MAD1L1: variants seen among roughly 807,000 people sequenced by gnomAD.
MAD1L1 encodes mitotic arrest deficient 1 like 1.
Under a neutral mutation model 96.9 loss-of-function variants are expected in MAD1L1, and 95 were observed. The ratio of observed to expected loss-of-function variants is 0.98; its 90% CI spans 0.83 to 1.16. The LOEUF (loss-of-function observed/expected upper bound fraction) is 1.16, where lower values mean the gene tolerates loss of function less well. MAD1L1 is among the 50% of genes most tolerant of loss of function. The pLI, the probability that MAD1L1 is intolerant of heterozygous loss-of-function variation, is 0.00. For synonymous variants in MAD1L1, 473 were observed against 396.6 expected, an observed-to-expected ratio of 1.19 and a Z score of -2.29; for missense variants, 1,007 against 954.4, an observed-to-expected ratio of 1.06 and a Z score of -0.73.
In MAD1L1 at chr7:2,194,631, T is replaced by C. The variant is rs77250283; in HGVS notation, c.986+18581A>G. ...AAGCTACAAAGTAAATATTTACTAT[T>C]AATACCCAGCCCTTTACAGAAAAAA... On this transcript the variant is annotated intron_variant, in intron 10 of 18. Coordinates refer to ENST00000265854, the MANE Select transcript of MAD1L1 (RefSeq NM_001013836.2). Among the ~76,000 whole-genome samples the C allele has an allele frequency of 8.9e-3, 1,350 of 152,296 alleles. 17 individuals are homozygous for C. The highest frequency in any genetic ancestry group is 0.031 in the African/African-American group (1,290 of 41,550).
intron 18 of MAD1L1, among the ~76,000 whole-genome samples, chr7:1,834,287 A>T (rs1782843290): frequency 6.6e-6 from 1 of 152,226 alleles, no homozygotes; most frequent in Non-Finnish European, 1.5e-5. Context: ...GGCAAATTAG[A>T]CAAAGTAAGC....
At chr7:1,902,104 CA>C (rs986477990) in intron 17 of MAD1L1, among the ~76,000 whole-genome samples, 7 of 152,168 alleles carry the variant, frequency 4.6e-5, no homozygotes, top group African/African-American at 1.2e-4. Flanking sequence ...TGGGGTGTAC[CA>C]GGGGGCTGAA....
At chr7:2,115,174 C>T (rs974660096) in intron 11 of MAD1L1, among the ~76,000 whole-genome samples, 32 of 152,344 alleles carry the variant, frequency 2.1e-4, no homozygotes, top group African/African-American at 5.5e-4. Context: ...GTTCACACCA[C>T]GGGGCGCTGG....
At chr7:2,217,716 C>T (rs1584576516) in intron 7 of MAD1L1, among the ~76,000 whole-genome samples, 1 of 152,346 alleles carries the variant, frequency 6.6e-6, no homozygotes, top group African/African-American at 2.4e-5. Context: ...ATCACACACA[C>T]GGACATTTTC....
At chr7:1,892,618 G>A (rs865841791) in intron 18 of MAD1L1, among the ~76,000 whole-genome samples, 1 of 152,204 alleles carries the variant, frequency 6.6e-6, no homozygotes, top group Non-Finnish European at 1.5e-5. Flanking sequence ...GAACATTCCC[G>A]ACTTCAGGTT....
intron 10 of MAD1L1, among the ~76,000 whole-genome samples, chr7:2,194,685 C>G (rs1791896529): frequency 6.6e-6 from 1 of 152,182 alleles, no homozygotes; most frequent in Admixed American, 6.5e-5. Flanking sequence ...AAATCCATCC[C>G]AACCTATCAT....
chr7:1,932,673 G>A (rs1789548970), intron 17 of MAD1L1, among the ~76,000 whole-genome samples: 1 of 152,220 alleles, frequency 6.6e-6, no homozygotes, highest in South Asian at 2.1e-4. Context: ...TCATGCTGCC[G>A]CACACTGTGC....
chr7:2,212,324 T>C (rs1157774598), intron 10 of MAD1L1, among the ~76,000 whole-genome samples: 1 of 152,214 alleles, frequency 6.6e-6, no homozygotes, highest in East Asian at 1.9e-4. Flanking sequence ...TGGCACAGAC[T>C]GCGTGAAGAG....
chr7:2,034,655 C>G (rs1533827), intron 12 of MAD1L1, among the ~76,000 whole-genome samples: 1 of 152,186 alleles, frequency 6.6e-6, no homozygotes, highest in African/African-American at 2.4e-5. Flanking sequence ...GCTGCCAGCT[C>G]TGCCACAGCA....
chr7:1,863,025 C>T (rs1428890168), intron 18 of MAD1L1, among the ~76,000 whole-genome samples: 1 of 152,234 alleles, frequency 6.6e-6, no homozygotes, highest in South Asian at 2.1e-4. Context: ...TGCCTGGTTG[C>T]TGATTGTGGG....
Position 2,216,280 on chromosome 7 carries a change from T to A in MAD1L1, c.686A>T (p.Glu229Val). 1 of 1,613,560 alleles carries A rather than the reference T, an allele frequency of 6.2e-7. No homozygotes were observed. Among genetic ancestry groups the A allele is most frequent in the South Asian group, 1.1e-5 (1 of 91,030 alleles). ...ADHEQQIKDL[E>V]QKLSLQEQDA... is the part of the protein sequence containing the mutation. ...CTGCTCTTGCAGGGACAGCTTCTGC[T>A]CCAGATCCTGATGGAGGCCAGGGAC... Residue 229 changes from glutamate to valine, a missense_variant, in exon 8 of 19, where the codon GAG becomes GTG. By Grantham distance (121) the Glu-to-Val change is moderately radical (BLOSUM62 -2). Coordinates refer to ENST00000265854, the MANE Select transcript of MAD1L1 (RefSeq NM_001013836.2).
chr7:2,211,286 G>A (rs59337363), intron 10 of MAD1L1, among the ~76,000 whole-genome samples: 3,677 of 152,206 alleles, frequency 0.024, 141 homozygotes, highest in African/African-American at 0.084. Context: ...ATGCCCTCAT[G>A]CTGGCCACGC....
chr7:1,961,575 C>T (rs1167798688), intron 15 of MAD1L1, among the ~76,000 whole-genome samples: 1 of 152,214 alleles, frequency 6.6e-6, no homozygotes, highest in Non-Finnish European at 1.5e-5. Flanking sequence ...AAATCCTGCT[C>T]AATCCTGAAC....
At chr7:2,123,222 A>G (rs1450185316) in intron 11 of MAD1L1, among the ~76,000 whole-genome samples, 1 of 151,006 alleles carries the variant, frequency 6.6e-6, no homozygotes, top group Non-Finnish European at 1.5e-5. Flanking sequence ...GGAGAATGGC[A>G]TGAACCCGGA....
At chr7:2,104,210 A>G (rs1786965222) in intron 11 of MAD1L1, among the ~76,000 whole-genome samples, 1 of 152,104 alleles carries the variant, frequency 6.6e-6, no homozygotes, top group African/African-American at 2.4e-5. Flanking sequence ...ATAGCGGCAA[A>G]CTCCTCCACA....
At chr7:2,040,896 T>C (rs1157593046) in intron 12 of MAD1L1, among the ~76,000 whole-genome samples, 2 of 152,266 alleles carry the variant, frequency 1.3e-5, no homozygotes, top group Non-Finnish European at 2.9e-5. Context: ...GAATCGCTCA[T>C]TCAGCCAATG....
chr7:1,880,517 G>C (rs909502452), intron 18 of MAD1L1, among the ~76,000 whole-genome samples: 2 of 152,154 alleles, frequency 1.3e-5, no homozygotes, highest in South Asian at 4.1e-4. Flanking sequence ...CCCTCCTTGA[G>C]CCTCCTGGCC....
intron 12 of MAD1L1, among the ~76,000 whole-genome samples, chr7:2,025,464 A>G (rs1020370975): frequency 6.6e-6 from 1 of 152,242 alleles, no homozygotes; most frequent in South Asian, 2.1e-4. Context: ...ACTGTTCTTC[A>G]AAAATAAAAG....
intron 10 of MAD1L1, among the ~76,000 whole-genome samples, chr7:2,189,305 GGTTGAAA>G (rs1289158178): frequency 6.6e-6 from 1 of 152,344 alleles, no homozygotes; most frequent in African/African-American, 2.4e-5. Context: ...GGATCCAGCA[GGTTGAAA>G]GCAGGGGCTC....
Sources: allele counts gnomAD v4.1 joint callset (sites outside exome capture counted in the v4.1 genomes callset), GRCh38; gene constraint gnomAD v4.1.1; transcripts MANE v1.5; gene names NCBI Gene and HGNC (gene_info 2026-07-23, HGNC 2026-07-21).